The following ALCAM variants were observed in gnomAD, a reference collection of about 807,000 sequenced individuals.
The protein encoded by ALCAM is activated leukocyte cell adhesion molecule.
In ALCAM, 30 loss-of-function variants were observed where a neutral mutation model predicts 70.9. That is an observed-to-expected ratio of 0.42 (90% confidence interval 0.32 to 0.57). The LOEUF is 0.57. Ranked by LOEUF, ALCAM falls within the 20% of genes least tolerant of loss-of-function variation. The pLI, the probability that ALCAM is intolerant of heterozygous loss-of-function variation, is 0.11. For synonymous variants in ALCAM, 249 were observed against 242.5 expected, an observed-to-expected ratio of 1.03 and a Z score of -0.25; for missense variants, 591 against 695.1, an observed-to-expected ratio of 0.85 and a Z score of 1.68.
intron 1 of ALCAM, among the ~76,000 whole-genome samples, chr3:105,424,959 G>C (rs1287306286): frequency 1.3e-5 from 2 of 151,746 alleles, no homozygotes; most frequent in Non-Finnish European, 2.9e-5. Context: ...GCACCATGCA[G>C]TAAGTGGTAG....
chr3:105,367,099 C>T lies in ALCAM; in HGVS notation c.-310C>T, dbSNP rs1444224080. 12 of 318,472 alleles carry T rather than the reference C, an allele frequency of 3.8e-5. No homozygotes were observed. The South Asian group carries it at 3.8e-4, about 10-fold the overall frequency. 19.7% of individuals were successfully genotyped at this position (318,472 alleles called of 1,614,324 possible). On this transcript the variant is annotated 5_prime_UTR_variant, in exon 1 of 16. Transcript: ENST00000306107. ...AAAAGAAGATACCAGCGAAAAGAAC[C>T]GCTTACACCTTTCCGAATTACTCAA... is the stretch of plus-strand genomic sequence containing the variant.
At chr3:105,432,725 T>G (rs754762612) in intron 1 of ALCAM, among the ~76,000 whole-genome samples, 1 of 152,132 alleles carries the variant, frequency 6.6e-6, no homozygotes, top group Non-Finnish European at 1.5e-5. Flanking sequence ...AGATGTACAC[T>G]TTTACATTTA....
intron 1 of ALCAM, among the ~76,000 whole-genome samples, chr3:105,509,993 T>A (rs1939192494): frequency 6.6e-6 from 1 of 152,126 alleles, no homozygotes; most frequent in African/African-American, 2.4e-5. Flanking sequence ...TGGAATTTCA[T>A]AGTCTACTAA....
chr3:105,475,077 C>A (rs1938065246), intron 1 of ALCAM, among the ~76,000 whole-genome samples: 1 of 151,828 alleles, frequency 6.6e-6, no homozygotes, highest in Admixed American at 6.6e-5. Context: ...GCCAGCATCA[C>A]CCATTTAGTC....
intron 14 of ALCAM, among the ~76,000 whole-genome samples, chr3:105,557,103 T>C (rs1940536471): frequency 6.6e-6 from 1 of 152,066 alleles, no homozygotes; most frequent in Non-Finnish European, 1.5e-5. Context: ...AAATTTTAGC[T>C]CTGACTTTGA....
At chr3:105,572,079 G>A (rs1316288272) in intron 15 of ALCAM, 115 bp downstream of exon 15, 1 of 613,360 alleles carries the variant, frequency 1.6e-6, no homozygotes, top group Non-Finnish European at 2.8e-6. Flanking sequence ...AAAACAGGAA[G>A]AGAGGGGTTT....
chr3:105,432,633 TAA>T (rs1460553310), intron 1 of ALCAM, among the ~76,000 whole-genome samples: 1 of 152,150 alleles, frequency 6.6e-6, no homozygotes, highest in South Asian at 2.1e-4. Context: ...TAATGAGAAT[TAA>T]GTGTTACATA....
At chr3:105,442,887 T>C (rs1474989803) in intron 1 of ALCAM, among the ~76,000 whole-genome samples, 1 of 152,170 alleles carries the variant, frequency 6.6e-6, no homozygotes, top group Non-Finnish European at 1.5e-5. Flanking sequence ...CATGGTGAAG[T>C]ATAGTGAGTA....
intron 15 of ALCAM, among the ~76,000 whole-genome samples, chr3:105,572,615 G>A (rs1940882470): frequency 6.6e-6 from 1 of 152,080 alleles, no homozygotes; most frequent in South Asian, 2.1e-4. Flanking sequence ...GGGATTGCTG[G>A]GTCAAATGGT....
intron 1 of ALCAM, among the ~76,000 whole-genome samples, chr3:105,466,079 T>A (rs946279277): frequency 9.2e-5 from 14 of 151,634 alleles, no homozygotes; most frequent in Middle Eastern, 3.4e-3. Context: ...ATCTATTTTT[T>A]AAAATTTATT....
chr3:105,430,062 A>G (rs1161097120), intron 1 of ALCAM, among the ~76,000 whole-genome samples: 1 of 152,020 alleles, frequency 6.6e-6, no homozygotes, highest in African/African-American at 2.4e-5. Context: ...TAATAAACAC[A>G]CAATATATCA....
intron 1 of ALCAM, among the ~76,000 whole-genome samples, chr3:105,409,706 T>A (rs908126774): frequency 4.6e-5 from 7 of 151,680 alleles, no homozygotes; most frequent in East Asian, 3.9e-4. Context: ...CCTATAGAAA[T>A]TAAAAAAAAA....
chr3:105,374,757 A>G (rs911980120), intron 1 of ALCAM, among the ~76,000 whole-genome samples: 5 of 152,040 alleles, frequency 3.3e-5, no homozygotes, highest in East Asian at 1.9e-4. Context: ...GCCTCAGGTG[A>G]TCTACATGCC....
At chr3:105,537,237 C>T (rs1254615366) in intron 6 of ALCAM, among the ~76,000 whole-genome samples, 1 of 152,092 alleles carries the variant, frequency 6.6e-6, no homozygotes, top group East Asian at 1.9e-4. Context: ...TCTGACACTG[C>T]CTACGTTTAT....
intron 1 of ALCAM, among the ~76,000 whole-genome samples, chr3:105,516,291 A>G (rs1023590503): frequency 3.3e-5 from 5 of 152,006 alleles, no homozygotes; most frequent in African/African-American, 1.2e-4. Flanking sequence ...TGTCACCAAA[A>G]TGGCCAAAAT....
Position 105,425,841 on chromosome 3 carries a change from A to G in ALCAM, c.73+58360A>G, listed in dbSNP as rs140521339. Among the ~76,000 whole-genome samples the G allele has an allele frequency of 2.7e-4, 41 of 151,002 alleles. 1 individual carries two copies. In the East Asian group the frequency reaches 6.1e-3, roughly 22 times the overall value. On this transcript the variant is annotated intron_variant, in intron 1 of 15. Transcript: ENST00000306107. ...CACATGATCATTAAAAGGGCAAAAT[A>G]TTTTTTCAAAACTTGTGCAATAATC...
chr3:105,516,165 A>C lies in ALCAM; in HGVS notation c.74-3902A>C, dbSNP rs192579854. Among the ~76,000 whole-genome samples the C allele has an allele frequency of 5.0e-3, 760 of 151,946 alleles. 10 individuals are homozygous for C. Among genetic ancestry groups the C allele is most frequent in the Middle Eastern group, 0.014 (4 of 294 alleles). On this transcript the variant is annotated intron_variant, in intron 1 of 15. Coordinates refer to ENST00000306107, the MANE Select transcript of ALCAM (RefSeq NM_001627.4). ...GTATTATTTGATGTTCTTCTGCTTG[A>C]AATGTGGTAGCAGATTCTGAATTTT...
chr3:105,572,085 G>A, intron 15 of ALCAM, 121 bp downstream of exon 15: 1 of 591,060 alleles, frequency 1.7e-6, no homozygotes, highest in Non-Finnish European at 2.9e-6. Flanking sequence ...GGAAGAGAGG[G>A]GTTTTTTTTC....
chr3:105,517,161 G>A (rs1438411723), intron 1 of ALCAM, among the ~76,000 whole-genome samples: 1 of 152,070 alleles, frequency 6.6e-6, no homozygotes, highest in African/African-American at 2.4e-5. Context: ...GGGGGCGCGA[G>A]ATGTTAGCTC....
Sources: allele counts gnomAD v4.1 joint callset (sites outside exome capture counted in the v4.1 genomes callset), GRCh38; gene constraint gnomAD v4.1.1; transcripts MANE v1.5; gene names NCBI Gene and HGNC (gene_info 2026-07-23, HGNC 2026-07-21).